The following RGS6 variants were observed in gnomAD, a reference collection of about 807,000 sequenced individuals.
RGS6 encodes regulator of G-protein signaling 6.
A neutral mutation model predicts 78.5 loss-of-function variants in RGS6; 30 were observed. That is an observed-to-expected ratio of 0.38 (90% CI 0.29 to 0.52). The LOEUF (loss-of-function observed/expected upper bound fraction) is 0.52, where lower values mean the gene tolerates loss of function less well. Ranked by LOEUF, RGS6 falls within the 20% of genes least tolerant of loss-of-function variation. The probability of loss-of-function intolerance (pLI) is 0.85; values close to 1 mark genes in which losing one functional copy is unlikely to be tolerated. For missense variants in RGS6, 495 were observed against 609.7 expected, an observed-to-expected ratio of 0.81 and a Z score of 1.98; for synonymous variants, 206 against 206.0, an observed-to-expected ratio of 1.00 and a Z score of 0.00.
intron 13 of RGS6, among the ~76,000 whole-genome samples, chr14:72,508,845 GAC>G (rs2096844091): frequency 6.6e-6 from 1 of 152,088 alleles, no homozygotes; most frequent in African/African-American, 2.4e-5. Context: ...CTGGTTCACA[GAC>G]CACACCTTGA....
chr14:72,234,345 A>C (rs1010957668), intron 2 of RGS6, among the ~76,000 whole-genome samples: 1 of 152,054 alleles, frequency 6.6e-6, no homozygotes, highest in Admixed American at 6.5e-5. Context: ...GGAAACTGAC[A>C]CATACTATCT....
intron 15 of RGS6, among the ~76,000 whole-genome samples, chr14:72,525,500 C>G (rs910652214): frequency 6.6e-6 from 1 of 152,354 alleles, no homozygotes; most frequent in Middle Eastern, 3.4e-3. Context: ...GTCAAGTCCA[C>G]ATCCGCCATG....
At chr14:72,546,307 A>G (rs1486398139) in intron 17 of RGS6, among the ~76,000 whole-genome samples, 2 of 152,270 alleles carry the variant, frequency 1.3e-5, no homozygotes, top group African/African-American at 4.8e-5. Context: ...ATGAAAATAT[A>G]AAAGTCTATT....
intron 2 of RGS6, among the ~76,000 whole-genome samples, chr14:72,031,057 G>A (rs1025660206): frequency 6.6e-6 from 1 of 151,630 alleles, no homozygotes; most frequent in African/African-American, 2.4e-5. Flanking sequence ...GTAGTTGTGG[G>A]TAAGCATAAA....
intron 9 of RGS6, 35 bp from the exon 10 acceptor site, chr14:72,474,590 G>T (rs534986546): frequency 3.8e-6 from 6 of 1,576,650 alleles, no homozygotes; most frequent in Non-Finnish European, 5.2e-6. Context: ...TAATTTTCAC[G>T]TAGTAATTTA....
the RGS6 span, among the ~76,000 whole-genome samples, chr14:72,600,172 C>T: frequency 6.6e-6 from 1 of 152,158 alleles, no homozygotes; most frequent in African/African-American, 2.4e-5. Flanking sequence ...CACTCTCTCC[C>T]CCTCTGCCCA....
At chr14:71,929,935 T>A (rs1334088271), upstream of RGS6, among the ~76,000 whole-genome samples, 1 of 152,184 alleles carries the variant, frequency 6.6e-6, no homozygotes, top group African/African-American at 2.4e-5. Context: ...TTGACATGTC[T>A]CCATAATTCT....
chr14:71,971,906 G>GTTTTTTTGTT (rs2093826637), intron 2 of RGS6, among the ~76,000 whole-genome samples: 1 of 104,448 alleles, frequency 9.6e-6, no homozygotes. Context: ...AATATGGCAG[G>GTTTTTTTGTT]TTTTTTTTTT....
chr14:72,531,471 A>C (rs929865033), intron 15 of RGS6, among the ~76,000 whole-genome samples: 4 of 150,470 alleles, frequency 2.7e-5, no homozygotes, highest in African/African-American at 9.8e-5. Context: ...GTCAGTATTT[A>C]ATTTCATTTG....
intron 2 of RGS6, among the ~76,000 whole-genome samples, chr14:72,340,424 T>C (rs1227934050): frequency 6.6e-6 from 1 of 152,094 alleles, no homozygotes; most frequent in African/African-American, 2.4e-5. Flanking sequence ...CCCAAATGCG[T>C]AGAATCACAG....
At chr14:72,011,598 T>C (rs1034411711) in intron 2 of RGS6, among the ~76,000 whole-genome samples, 2 of 151,048 alleles carry the variant, frequency 1.3e-5, no homozygotes, top group Non-Finnish European at 3.0e-5. Flanking sequence ...AAAAAAATAA[T>C]GCAAATAAAA....
In RGS6 at chr14:72,548,344, C is replaced by CGT. The variant is rs779046728; in HGVS notation, c.1422+8251_1422+8252insTG. Among the ~76,000 whole-genome samples the CGT allele has an allele frequency of 3.0e-5, 3 of 98,660 alleles. 1 individual carries two copies. Among genetic ancestry groups the CGT allele is most frequent in the East Asian group, 3.9e-4 (1 of 2,562 alleles). 64.7% of individuals were successfully genotyped at this position (98,660 alleles called of 152,430 possible). On this transcript the variant is annotated intron_variant, in intron 17 of 17. Transcript: ENST00000553525. Reference sequence around the variant, plus strand: ...GATCATATTTGTGTGTGTGTGTGTGCGCGCGTGTGTGTGTGTGTGTGTGTG... The same window carrying CGT: ...GATCATATTTGTGTGTGTGTGTGTGCGTGCGCGTGTGTGTGTGTGTGTGTGTG...
Position 72,323,437 on chromosome 14 carries a change from T to TA in RGS6, c.85-28647dup, listed in dbSNP as rs1037525162. ...AAGTTATACAGGTAATGCAATGCAA[T>TA]AAAAAAAAAAACAATAGAATCTACA... On this transcript the variant is annotated intron_variant, in intron 2 of 17. Transcript: ENST00000553525. Among the ~76,000 whole-genome samples the TA allele has an allele frequency of 4.5e-3, 611 of 137,186 alleles. 2 individuals carry two copies. Among genetic ancestry groups the TA allele is most frequent in the Middle Eastern group, 0.011 (3 of 268 alleles). The allele number at this position is 137,186 out of a possible 152,430, so 90.0% of individuals were successfully genotyped here. A position where few individuals can be genotyped will look rare whatever the true frequency, so the allele number is the denominator to read the frequency against.
intron 13 of RGS6, among the ~76,000 whole-genome samples, chr14:72,498,923 C>T (rs973851094): frequency 6.6e-6 from 1 of 152,074 alleles, no homozygotes; most frequent in Non-Finnish European, 1.5e-5. Flanking sequence ...TGCCAAGGTT[C>T]CCCTCTGGGT....
chr14:72,086,749 T>A (rs2095055824), intron 2 of RGS6, among the ~76,000 whole-genome samples: 1 of 152,182 alleles, frequency 6.6e-6, no homozygotes, highest in Non-Finnish European at 1.5e-5. Flanking sequence ...TTCCCTGAAC[T>A]CTCTGAAGCT....
At chr14:72,600,046 T>C in the RGS6 span, among the ~76,000 whole-genome samples, 1 of 152,082 alleles carries the variant, frequency 6.6e-6, no homozygotes, top group Non-Finnish European at 1.5e-5. Context: ...TGCCTGTGGT[T>C]GTCATTGTGT....
chr14:72,510,585 G>A (rs1049300325), intron 14 of RGS6, among the ~76,000 whole-genome samples: 1 of 152,212 alleles, frequency 6.6e-6, no homozygotes, highest in African/African-American at 2.4e-5. Context: ...ATTAAGTACA[G>A]CCATAGAACC....
intron 3 of RGS6, among the ~76,000 whole-genome samples, chr14:72,388,953 T>C (rs577306164): frequency 6.6e-6 from 1 of 152,034 alleles, no homozygotes; most frequent in South Asian, 2.1e-4. Flanking sequence ...ATTCCCATTA[T>C]TAGTAGTAGT....
At chr14:72,489,162 C>CT (rs1555431760) in intron 12 of RGS6, among the ~76,000 whole-genome samples, 10 of 150,216 alleles carry the variant, frequency 6.7e-5, no homozygotes, top group Admixed American at 6.6e-4. Context: ...GGGGGCCCCC[C>CT]CACCGGCTGT....
Sources: gnomAD v4.1 joint callset for allele counts (sites outside exome capture counted in the v4.1 genomes callset) on GRCh38, gnomAD v4.1.1 for gene constraint, MANE v1.5 for transcripts, NCBI Gene and HGNC (gene_info 2026-07-23, HGNC 2026-07-21) for gene names.